BEND7: variants seen among roughly 807,000 people sequenced by gnomAD.
The protein encoded by BEND7 is BEN domain containing 7.
Under a neutral mutation model 50.9 loss-of-function variants are expected in BEND7, and 28 were observed. The ratio of observed to expected loss-of-function variants is 0.55; its 90% CI spans 0.41 to 0.75. BEND7 has a LOEUF of 0.75. Among genes scored for constraint, BEND7 ranks in the 30% least tolerant of loss-of-function variants. The probability of loss-of-function intolerance (pLI) is 0.00; values close to 1 mark genes in which losing one functional copy is unlikely to be tolerated. For missense variants in BEND7, 477 were observed against 491.3 expected (o/e 0.97, Z 0.28); for synonymous variants, 170 against 183.9 (o/e 0.92, Z 0.61).
chr10:13,453,269 C>T (rs556776793), intron 6 of BEND7, among the ~76,000 whole-genome samples: 29 of 152,122 alleles, frequency 1.9e-4, no homozygotes, highest in Non-Finnish European at 4.0e-4. Flanking sequence ...GGACAATGAT[C>T]GTGGGAGGGC....
chr10:13,481,969 T>A (rs2075894040), intron 5 of BEND7, among the ~76,000 whole-genome samples: 1 of 152,234 alleles, frequency 6.6e-6, no homozygotes, highest in Non-Finnish European at 1.5e-5. Flanking sequence ...CTTTGAATCT[T>A]TCAACCCAGT....
intron 2 of BEND7, among the ~76,000 whole-genome samples, chr10:13,525,001 G>A (rs978469287): frequency 2.6e-5 from 4 of 152,156 alleles, no homozygotes; most frequent in Admixed American, 6.5e-5. Flanking sequence ...CGAGAGCTTC[G>A]TTTGAAGGCT....
chr10:13,505,727 G>A (rs1330865513), intron 2 of BEND7, among the ~76,000 whole-genome samples: 1 of 152,176 alleles, frequency 6.6e-6, no homozygotes, highest in East Asian at 1.9e-4. Context: ...AGTTAATAAT[G>A]AAACTCAAAG....
At chr10:13,494,245 C>T (rs1443320831) in intron 4 of BEND7, among the ~76,000 whole-genome samples, 2 of 151,996 alleles carry the variant, frequency 1.3e-5, no homozygotes, top group African/African-American at 4.8e-5. Flanking sequence ...GGTGAAACCC[C>T]GTCTCTACTA....
Position 13,467,966 on chromosome 10 carries a change from C to T in BEND7, c.1063+12933G>A, listed in dbSNP as rs953902855. Reference sequence around the variant, plus strand: ...AAACATAAAACGTGATCTCTGCCCACAGGAGCTTATAGTCTTGTTGTGAAG... The same window carrying T: ...AAACATAAAACGTGATCTCTGCCCATAGGAGCTTATAGTCTTGTTGTGAAG... On this transcript the variant is annotated intron_variant, in intron 6 of 8. Transcript: ENST00000466271. Among the ~76,000 whole-genome samples, 3 of 152,268 alleles carry T rather than the reference C, an allele frequency of 2.0e-5. No individual in the cohort carries two copies. The South Asian group carries it at 6.2e-4, about 32-fold the overall frequency.
chr10:13,461,802 T>C (rs1226118504), intron 6 of BEND7, among the ~76,000 whole-genome samples: 3 of 151,684 alleles, frequency 2.0e-5, no homozygotes, highest in Non-Finnish European at 4.4e-5. Flanking sequence ...CACCATTGCA[T>C]AAAACTATAA....
chr10:13,455,851 G>A (rs1588674686), intron 6 of BEND7, among the ~76,000 whole-genome samples: 1 of 152,064 alleles, frequency 6.6e-6, no homozygotes, highest in African/African-American at 2.4e-5. Flanking sequence ...GGGGAGGTGT[G>A]GAATCATCTC....
At position 13,528,470 on chromosome 10, in the gene BEND7, T is replaced by A. The variant is rs1395928060; in HGVS notation, c.61+3A>T. 9.8e-7 allele frequency: 1 copy of A among 1,025,170 alleles called. No individual in the cohort carries two copies. Among genetic ancestry groups the A allele is most frequent in the Non-Finnish European group, 1.2e-6 (1 of 856,932 alleles). 63.5% of individuals were successfully genotyped at this position (1,025,170 alleles called of 1,614,324 possible). ...TGCCCCCGCCGCCCCGGCGGCCGCT[T>A]ACCTCGGCTCACCAGTTTGAAGCTC... is the stretch of plus-strand genomic sequence containing the variant. On this transcript the variant is annotated splice_donor_region_variant and intron_variant, in intron 1 of 8. Transcript: ENST00000466271.
intron 5 of BEND7, 77 bp from the exon 6 acceptor site, chr10:13,481,201 A>C: frequency 7.5e-7 from 1 of 1,335,136 alleles, no homozygotes; most frequent in Admixed American, 1.9e-5. Flanking sequence ...CAACAAAAAA[A>C]CATCACTAGC....
intron 7 of BEND7, among the ~76,000 whole-genome samples, chr10:13,447,754 A>G (rs1259595484): frequency 6.6e-6 from 1 of 152,090 alleles, no homozygotes; most frequent in Non-Finnish European, 1.5e-5. Context: ...TGTGTTAGCC[A>G]GGATGGTCTC....
intron 2 of BEND7, among the ~76,000 whole-genome samples, chr10:13,514,168 A>C (rs575535262): frequency 2.0e-4 from 30 of 152,156 alleles, no homozygotes; most frequent in African/African-American, 7.0e-4. Context: ...CAGAATCCTT[A>C]ATTTCTCTTA....
intron 2 of BEND7, among the ~76,000 whole-genome samples, chr10:13,525,578 G>A (rs1166993640): frequency 2.0e-5 from 3 of 152,204 alleles, no homozygotes; most frequent in Non-Finnish European, 2.9e-5. Flanking sequence ...TCAAGAGCTG[G>A]TTAGGCAGAC....
chr10:13,524,894 A>C (rs188816636), intron 2 of BEND7, among the ~76,000 whole-genome samples: 1 of 151,904 alleles, frequency 6.6e-6, no homozygotes, highest in East Asian at 1.9e-4. Context: ...TTTCCCTCCT[A>C]TTTTTCCTCT....
At chr10:13,493,349 T>G (rs541018341) in intron 4 of BEND7, among the ~76,000 whole-genome samples, 1 of 152,332 alleles carries the variant, frequency 6.6e-6, no homozygotes, top group African/African-American at 2.4e-5. Context: ...GAGACAGTGA[T>G]GATCATTTGC....
chr10:13,478,082 G>C (rs958860877), intron 6 of BEND7, among the ~76,000 whole-genome samples: 10 of 152,190 alleles, frequency 6.6e-5, no homozygotes, highest in Non-Finnish European at 8.8e-5. Flanking sequence ...AGAGGGGAGG[G>C]AGGATGGAGC....
At chr10:13,487,645 C>G (rs1246254182) in intron 5 of BEND7, among the ~76,000 whole-genome samples, 1 of 152,050 alleles carries the variant, frequency 6.6e-6, no homozygotes, top group African/African-American at 2.4e-5. Flanking sequence ...CTCAGCCTCC[C>G]AAAGTGCTAG....
chr10:13,456,867 AG>A (rs1839092159), intron 6 of BEND7, among the ~76,000 whole-genome samples: 1 of 152,240 alleles, frequency 6.6e-6, no homozygotes, highest in South Asian at 2.1e-4. Context: ...CTGAATTAGC[AG>A]GAAGTCTTTA....
chr10:13,447,444 C>T (rs1836617372), intron 7 of BEND7, 128 bp from the exon 8 acceptor site: 2 of 839,330 alleles, frequency 2.4e-6, no homozygotes, highest in East Asian at 2.7e-5. Flanking sequence ...TTTCTGTTTT[C>T]AGCTACCGTT....
At chr10:13,495,142 T>G (rs2076939452) in intron 4 of BEND7, among the ~76,000 whole-genome samples, 1 of 152,220 alleles carries the variant, frequency 6.6e-6, no homozygotes, top group Non-Finnish European at 1.5e-5. Flanking sequence ...AAACAAATCA[T>G]TACAATTTCA....
Sources: allele counts gnomAD v4.1 joint callset (sites outside exome capture counted in the v4.1 genomes callset), GRCh38; gene constraint gnomAD v4.1.1; transcripts MANE v1.5; gene names NCBI Gene and HGNC (gene_info 2026-07-23, HGNC 2026-07-21).